The following PCDHGB6 variants were observed in gnomAD, a reference collection of about 807,000 sequenced individuals.
PCDHGB6 encodes the protein protocadherin gamma subfamily B, 6.
In PCDHGB6, 51 loss-of-function variants were observed where a neutral mutation model predicts 59.1. The ratio of observed to expected loss-of-function variants is 0.86; its 90% CI spans 0.69 to 1.09. The LOEUF is 1.09. Among genes scored for constraint, PCDHGB6 ranks in the 50% least tolerant of loss-of-function variants. The pLI, the probability that PCDHGB6 is intolerant of heterozygous loss-of-function variation, is 0.00. For missense variants in PCDHGB6, 1,148 were observed against 1,205.1 expected (o/e 0.95, Z 0.70); for synonymous variants, 466 against 495.1 (o/e 0.94, Z 0.78).
chr5:141,504,752 A>G (rs1194764381), intron 2 of PCDHGB6, among the ~76,000 whole-genome samples: 23 of 151,894 alleles, frequency 1.5e-4, no homozygotes, highest in Non-Finnish European at 3.2e-4. Flanking sequence ...TGAATTTTAG[A>G]AATTTCTTCT....
rs761704779 is a variant in PCDHGB6 at position 141,486,764 on chromosome 5, C to T, written c.2419-8043C>T. ...CTTTGACTATGAGCAAACCCAGACA[C>T]TGCAGTTTGAGGTGCAGGCCCGGGA... On this transcript the variant is annotated intron_variant, in intron 1 of 3. Transcript: ENST00000520790. This position sits in a 1 kb window ranked among gnomAD's most constrained non-coding sequence, Gnocchi z 5.0. 6.2e-7 allele frequency: 1 copy of T among 1,614,264 alleles called. No homozygotes were observed. The highest frequency in any genetic ancestry group is 2.2e-5 in the East Asian group (1 of 44,880).
intron 1 of PCDHGB6, chr5:141,430,575 A>T (rs1056696427): frequency 2.2e-6 from 1 of 455,822 alleles, no homozygotes; most frequent in Non-Finnish European, 3.7e-6. Flanking sequence ...AAAAGCGGAG[A>T]TCCTGCTCGC....
At chr5:141,423,090 G>T in intron 1 of PCDHGB6, 5 of 1,614,022 alleles carry the variant, frequency 3.1e-6, no homozygotes, top group South Asian at 2.2e-5. Context: ...TCGCGGTGGG[G>T]GAGCACACGG....
intron 1 of PCDHGB6, chr5:141,422,556 G>A: frequency 6.2e-7 from 1 of 1,613,908 alleles, no homozygotes; most frequent in Non-Finnish European, 8.5e-7. Flanking sequence ...GGCTGAATGT[G>A]GCAGATGACA....
intron 1 of PCDHGB6, chr5:141,478,893 T>G (rs1469313900): frequency 1.8e-6 from 2 of 1,102,894 alleles, no homozygotes; most frequent in Admixed American, 3.1e-5. Flanking sequence ...TCATTTACAT[T>G]AGGAATAAGC....
At chr5:141,413,336 A>G (rs1561741680) in intron 1 of PCDHGB6, 1 of 1,613,972 alleles carries the variant, frequency 6.2e-7, no homozygotes, top group Non-Finnish European at 8.5e-7. Flanking sequence ...AACATCTCCA[A>G]GGACTTGGGT....
chr5:141,438,591 CATATATATATAT>C lies in PCDHGB6; in HGVS notation c.2418+28005_2418+28016del, dbSNP rs946798767. ...TCTGATATACATACATACATACATACATATATATATATATATATATATATATATATATATATA... is the reference window on the plus strand; with the variant it reads ...TCTGATATACATACATACATACATACATATATATATATATATATATATATA... On this transcript the variant is annotated intron_variant, in intron 1 of 3. Coordinates refer to ENST00000520790, the MANE Select transcript of PCDHGB6 (RefSeq NM_018926.3). Among the ~76,000 whole-genome samples the C allele has an allele frequency of 1.5e-4, 11 of 75,568 alleles. No homozygotes were observed. The East Asian group carries it at 2.8e-3, about 19-fold the overall frequency. The allele number at this position is 75,568 out of a possible 152,430, so 49.6% of individuals were successfully genotyped here.
In PCDHGB6 at chr5:141,409,952, C is replaced by A. The variant is rs892751686; in HGVS notation, c.1750C>A (p.Pro584Thr). The change falls in exon 1 of 4, where the codon CCC (proline) becomes ACC (threonine). Residue 584 changes from proline (P) to threonine (T), a missense_variant. Transcript: ENST00000520790. ...FFDMVPRSAE[P>T]GYLVTKVVAV... ...CGATATGGTACCTCGCTCTGCAGAGCCCGGCTACCTAGTGACTAAGGTGGT... is the reference window on the plus strand; with the variant it reads ...CGATATGGTACCTCGCTCTGCAGAGACCGGCTACCTAGTGACTAAGGTGGT... 2 of 1,613,350 alleles carry A rather than the reference C, an allele frequency of 1.2e-6. No homozygotes were observed. The highest frequency in any genetic ancestry group is 1.7e-6 in the Non-Finnish European group (2 of 1,179,786).
chr5:141,460,995 A>ATG lies in PCDHGB6; in HGVS notation c.2419-33808_2419-33807dup, dbSNP rs1561986931. Among the ~76,000 whole-genome samples the ATG allele has an allele frequency of 5.3e-5, 8 of 150,188 alleles. No homozygotes were observed. The East Asian group carries it at 1.4e-3, about 26-fold the overall frequency. On this transcript the variant is annotated intron_variant, in intron 1 of 3. Transcript: ENST00000520790. ...TGTGTGTGTGTGTGTATATATATAT[A>ATG]TGTGTATATATATATACCACATTTT...
At chr5:141,413,244 C>T in intron 1 of PCDHGB6, 3 of 1,613,984 alleles carry the variant, frequency 1.9e-6, no homozygotes, top group Non-Finnish European at 2.5e-6. Flanking sequence ...TCTGCCTTTT[C>T]TTCGGGATTC....
rs2099687792 is a variant in PCDHGB6, at chr5:141,489,485, G to GT, written c.2419-5321dup. Reference sequence around the variant, plus strand: ...TATTTTTCCCTGAGCTTGATGAGTGGTGCCCTGGCAGTGAATCAAAAGATT... The same window carrying GT: ...TATTTTTCCCTGAGCTTGATGAGTGGTTGCCCTGGCAGTGAATCAAAAGATT... On this transcript the variant is annotated intron_variant, in intron 1 of 3. Coordinates refer to ENST00000520790, the MANE Select transcript of PCDHGB6 (RefSeq NM_018926.3). This position sits in a 1 kb window ranked among gnomAD's most constrained non-coding sequence, Gnocchi z 4.5. The GT allele has an allele frequency of 6.2e-7, 1 of 1,614,088 alleles. No individual in the cohort carries two copies. The highest frequency in any genetic ancestry group is 2.2e-5 in the East Asian group (1 of 44,868).
rs146734417 is a variant in PCDHGB6, at chr5:141,431,409, G to T, written c.2418+20789G>T. The T allele has an allele frequency of 1.9e-6, 3 of 1,613,722 alleles. No homozygotes were observed. Among genetic ancestry groups the T allele is most frequent in the Non-Finnish European group, 2.5e-6 (3 of 1,180,048 alleles). On this transcript the variant is annotated intron_variant, in intron 1 of 3. Transcript: ENST00000520790. This position sits in a 1 kb window ranked among gnomAD's most constrained non-coding sequence, Gnocchi z 4.8. Reference sequence around the variant, plus strand: ...CACCTGGTCCTTACGGCCTCCGACGGGGGCGACCCGGTGCGCACAGGCACC... The same window carrying T: ...CACCTGGTCCTTACGGCCTCCGACGTGGGCGACCCGGTGCGCACAGGCACC...
intron 1 of PCDHGB6, among the ~76,000 whole-genome samples, chr5:141,433,397 A>ATCTATCTG (rs1554126017): frequency 5.3e-5 from 8 of 150,410 alleles, no homozygotes; most frequent in Non-Finnish European, 1.2e-4. Context: ...CTATCTATCT[A>ATCTATCTG]TCTATCTATT....
At chr5:141,436,632 G>T (rs763510513) in intron 1 of PCDHGB6, among the ~76,000 whole-genome samples, 2 of 152,130 alleles carry the variant, frequency 1.3e-5, no homozygotes, top group Non-Finnish European at 2.9e-5. Context: ...TTCACAACAT[G>T]CAATTAATTA....
intron 1 of PCDHGB6, chr5:141,420,969 A>G (rs2096536141): frequency 2.3e-6 from 1 of 443,064 alleles, no homozygotes; most frequent in Admixed American, 4.0e-5. Flanking sequence ...TTGCAATAAT[A>G]AGAATGGGCT....
Position 141,408,111 on chromosome 5 carries a change from C to A in PCDHGB6, c.-92C>A, listed in dbSNP as rs1477598232. ...ATTGCCAGCTCCGAGACCCGGGACTCCTCCTGTCCTGGGCCGAATGCTCTT... is the reference window on the plus strand; with the variant it reads ...ATTGCCAGCTCCGAGACCCGGGACTACTCCTGTCCTGGGCCGAATGCTCTT... On this transcript the variant is annotated 5_prime_UTR_variant, in exon 1 of 4. Coordinates refer to ENST00000520790, the MANE Select transcript of PCDHGB6 (RefSeq NM_018926.3). The A allele has an allele frequency of 4.8e-6, 7 of 1,455,108 alleles. No individual in the cohort carries two copies. The highest frequency in any genetic ancestry group is 4.3e-5 in the African/African-American group (3 of 70,168). The allele number at this position is 1,455,108 out of a possible 1,614,324, so 90.1% of individuals were successfully genotyped here.
chr5:141,445,249 G>T (rs1337658576), intron 1 of PCDHGB6, among the ~76,000 whole-genome samples: 2 of 152,170 alleles, frequency 1.3e-5, no homozygotes, highest in Non-Finnish European at 2.9e-5. Context: ...ACTATATTGT[G>T]TGAGAATATA....
At chr5:141,440,093 GA>G (rs2098151022) in intron 1 of PCDHGB6, 1 of 152,302 alleles carries the variant, frequency 6.6e-6, no homozygotes, top group Non-Finnish European at 1.5e-5. Context: ...TCTAAGTGGG[GA>G]AAGTGGAGAC....
At chr5:141,442,358 A>C (rs2098318223) in intron 1 of PCDHGB6, 1 of 152,304 alleles carries the variant, frequency 6.6e-6, no homozygotes, top group African/African-American at 2.4e-5. Context: ...CTGTAGCTCT[A>C]TGATGCCATA....
Sources: gnomAD v4.1 joint callset for allele counts (sites outside exome capture counted in the v4.1 genomes callset) on GRCh38, gnomAD v4.1.1 for gene constraint, Gnocchi (gnomAD v3.1) non-coding constraint, MANE v1.5 for transcripts, NCBI Gene and HGNC (gene_info 2026-07-23, HGNC 2026-07-21) for gene names.